The following CADM2 variants were observed in gnomAD, a reference collection of about 807,000 sequenced individuals.
CADM2 encodes the protein immunoglobulin superfamily member 4D.
CADM2 carries 12 observed loss-of-function variants against 49.8 expected under a neutral mutation model. That is an observed-to-expected ratio of 0.24 (90% CI 0.15 to 0.39). CADM2 has a LOEUF of 0.39. CADM2 is among the 10% of genes least tolerant of loss of function. CADM2 has a pLI of 1.00. For missense variants in CADM2, 378 were observed against 492.3 expected, an observed-to-expected ratio of 0.77 and a Z score of 2.20; for synonymous variants, 214 against 175.4, an observed-to-expected ratio of 1.22 and a Z score of -1.74.
At chr3:85,817,687 C>G (rs1045517971) in intron 3 of CADM2, among the ~76,000 whole-genome samples, 1 of 152,034 alleles carries the variant, frequency 6.6e-6, no homozygotes, top group Non-Finnish European at 1.5e-5. Flanking sequence ...GATCTTGAAC[C>G]GACCTTGACT....
intron 1 of CADM2, among the ~76,000 whole-genome samples, chr3:85,166,240 C>T (rs1310597726): frequency 4.0e-5 from 6 of 151,746 alleles, no homozygotes; most frequent in Admixed American, 1.3e-4. Flanking sequence ...ATCCGTCATC[C>T]GCACTATCTC....
chr3:84,987,904 A>G (rs2032666573), intron 1 of CADM2, among the ~76,000 whole-genome samples: 1 of 152,184 alleles, frequency 6.6e-6, no homozygotes, highest in South Asian at 2.1e-4. Flanking sequence ...AAATGAGCCC[A>G]GTTCTCCCCC....
At chr3:85,199,491 A>G (rs969542921) in intron 1 of CADM2, among the ~76,000 whole-genome samples, 1 of 151,854 alleles carries the variant, frequency 6.6e-6, no homozygotes, top group Non-Finnish European at 1.5e-5. Context: ...TTTTTAGTTA[A>G]ACTTACAAAG....
chr3:85,845,130 T>A (rs1219794495), intron 3 of CADM2, among the ~76,000 whole-genome samples: 1 of 138,602 alleles, frequency 7.2e-6, no homozygotes, highest in Non-Finnish European at 1.5e-5. Flanking sequence ...CACTTCAGCC[T>A]GAGTGACAAA....
intron 2 of CADM2, among the ~76,000 whole-genome samples, chr3:85,775,434 G>A (rs953054995): frequency 3.3e-5 from 5 of 151,616 alleles, no homozygotes; most frequent in Non-Finnish European, 5.9e-5. Flanking sequence ...GATTGGTTCA[G>A]GTCTTAAAGA....
At chr3:85,217,058 G>A (rs1411405808) in intron 1 of CADM2, among the ~76,000 whole-genome samples, 2 of 151,360 alleles carry the variant, frequency 1.3e-5, no homozygotes, top group Non-Finnish European at 3.0e-5. Context: ...ATGAACTGGG[G>A]GTAAAATTAA....
intron 1 of CADM2, among the ~76,000 whole-genome samples, chr3:85,540,214 A>G (rs374333242): frequency 8.5e-5 from 13 of 152,168 alleles, no homozygotes; most frequent in African/African-American, 2.9e-4. Flanking sequence ...GGCAGTAATC[A>G]TACTAAATTA....
At chr3:84,984,921 ATTTGGT>A (rs2032463399) in intron 1 of CADM2, among the ~76,000 whole-genome samples, 1 of 152,194 alleles carries the variant, frequency 6.6e-6, no homozygotes, top group Admixed American at 6.5e-5. Flanking sequence ...AACAAGCCAT[ATTTGGT>A]ACCCAGAGCT....
At position 85,114,838 on chromosome 3, in the gene CADM2, AC is replaced by A. The variant is rs375627698; in HGVS notation, c.61+155172del. On this transcript the variant is annotated intron_variant, in intron 1 of 9. Coordinates refer to ENST00000383699, the MANE Select transcript of CADM2 (RefSeq NM_001167675.2). ...AAAAGCAATCAGCACTTTTTATATG[AC>A]CTTTTTTTCCTTATAACCATTTATT... is the stretch of plus-strand genomic sequence containing the variant. Among the ~76,000 whole-genome samples the A allele has an allele frequency of 4.1e-3, 626 of 152,218 alleles. 7 individuals are homozygous for A. Among genetic ancestry groups the A allele is most frequent in the African/African-American group, 0.014 (594 of 41,548 alleles).
intron 2 of CADM2, among the ~76,000 whole-genome samples, chr3:85,734,639 CTCTT>C (rs931828114): frequency 2.0e-5 from 3 of 147,810 alleles, no homozygotes; most frequent in East Asian, 1.9e-4. Context: ...CCATATCTCT[CTCTT>C]TTTCTGCCTT....
At chr3:85,449,873 CT>C (rs1021663446) in intron 1 of CADM2, among the ~76,000 whole-genome samples, 5 of 151,818 alleles carry the variant, frequency 3.3e-5, no homozygotes, top group Non-Finnish European at 7.4e-5. Flanking sequence ...GACAATACAC[CT>C]TTTTTTTAAC....
At chr3:85,481,229 G>GATATATATATAT (rs3086137) in intron 1 of CADM2, among the ~76,000 whole-genome samples, 1,530 of 144,928 alleles carry the variant, frequency 0.011, 12 homozygotes, top group Non-Finnish European at 0.013. Flanking sequence ...ATATATATTG[G>GATATATATATAT]ATATATATAT....
rs114564240 is a variant in CADM2, at chr3:85,949,812, G to T, written c.792-11657G>T. On this transcript the variant is annotated intron_variant, in intron 7 of 9. Transcript: ENST00000383699. ...TAATATCAATACTAGATCTTATAAG[G>T]TTAATGAGCACTATTTTATATTAAA... Among the ~76,000 whole-genome samples, 750 of 150,858 alleles carry T rather than the reference G, an allele frequency of 5.0e-3. 2 individuals are homozygous for T. The highest frequency in any genetic ancestry group is 0.01 in the Middle Eastern group (3 of 294).
chr3:86,014,440 G>A, intron 8 of CADM2: 1 of 1,488,502 alleles, frequency 6.7e-7, no homozygotes, highest in East Asian at 2.3e-5. Flanking sequence ...CATGAATTTT[G>A]GTTTGAGGAA....
At chr3:85,029,950 T>C (rs1442742673) in intron 1 of CADM2, among the ~76,000 whole-genome samples, 2 of 152,222 alleles carry the variant, frequency 1.3e-5, no homozygotes, top group Admixed American at 1.3e-4. Context: ...CACTCATTTT[T>C]CTAACTTGAA....
At chr3:85,465,900 A>G (rs1298050401) in intron 1 of CADM2, among the ~76,000 whole-genome samples, 1 of 152,190 alleles carries the variant, frequency 6.6e-6, no homozygotes, top group African/African-American at 2.4e-5. Context: ...GAAAGTATGG[A>G]AAATAGGATC....
At position 85,450,903 on chromosome 3, in the gene CADM2, T is replaced by C. The variant is rs139384920; in HGVS notation, c.62-275619T>C. ...ATTCGGCCTAGGCTACTAAGTCAAATTTCTCAATATTGTTAATTATTGGTT... is the reference window on the plus strand; with the variant it reads ...ATTCGGCCTAGGCTACTAAGTCAAACTTCTCAATATTGTTAATTATTGGTT... On this transcript the variant is annotated intron_variant, in intron 1 of 9. Transcript: ENST00000383699. 5.4e-3 allele frequency among the ~76,000 whole-genome samples: 828 copies of C among 152,182 alleles called. 19 individuals carry two copies. The highest frequency in any genetic ancestry group is 3.0e-3 in the Non-Finnish European group (201 of 67,928).
intron 1 of CADM2, among the ~76,000 whole-genome samples, chr3:85,330,159 A>T (rs2044876818): frequency 6.6e-6 from 1 of 152,138 alleles, no homozygotes. Flanking sequence ...TGATGCCTAG[A>T]GTCACAAGAG....
chr3:85,713,389 T>C (rs1009996240), intron 1 of CADM2, among the ~76,000 whole-genome samples: 1 of 152,196 alleles, frequency 6.6e-6, no homozygotes, highest in African/African-American at 2.4e-5. Flanking sequence ...CCTCAGGTGA[T>C]CCGCCCTTCT....
Sources: allele counts gnomAD v4.1 joint callset (sites outside exome capture counted in the v4.1 genomes callset), GRCh38; gene constraint gnomAD v4.1.1; transcripts MANE v1.5; gene names NCBI Gene and HGNC (gene_info 2026-07-23, HGNC 2026-07-21).